Variants in C17orf78 observed in about 807,000 individuals in gnomAD.
C17orf78 encodes uncharacterized protein C17orf78.
In C17orf78, 27 loss-of-function variants were observed where a neutral mutation model predicts 31.8. The ratio of observed to expected loss-of-function variants is 0.85; its 90% CI spans 0.63 to 1.17. The LOEUF (loss-of-function observed/expected upper bound fraction) is 1.17, where lower values mean the gene tolerates loss of function less well. Ranked by LOEUF, C17orf78 falls within the 50% of genes most tolerant of loss-of-function variation. The probability of loss-of-function intolerance (pLI) is 0.00; values close to 1 mark genes in which losing one functional copy is unlikely to be tolerated. For synonymous variants in C17orf78, 106 were observed against 115.1 expected, an observed-to-expected ratio of 0.92 and a Z score of 0.51; for missense variants, 258 against 315.2, an observed-to-expected ratio of 0.82 and a Z score of 1.37.
In C17orf78 at chr17:37,376,133, A is replaced by G. The variant is rs765214527; in HGVS notation, c.41A>G (p.Tyr14Cys). The G allele has an allele frequency of 1.9e-6, 3 of 1,612,502 alleles. No homozygotes were observed. Among genetic ancestry groups the G allele is most frequent in the African/African-American group, 1.3e-5 (1 of 75,030 alleles). The change falls in exon 1 of 7, where the codon TAT (tyrosine) becomes TGT (cysteine). Residue 14 changes from tyrosine to cysteine, a missense_variant. Physicochemically the swap from Tyr to Cys is radical, Grantham distance 194 (BLOSUM62 -2). Transcript: ENST00000615133. ...GTCTTCAGCCTAATCATTGCATCCTATGATGCCAACAAGAAAGGTATGTAA... is the reference window on the plus strand; with the variant it reads ...GTCTTCAGCCTAATCATTGCATCCTGTGATGCCAACAAGAAAGGTATGTAA... ...ILVFSLIIAS[Y>C]DANKKDLRDS...
chr17:37,388,566 C>A, intron 4 of C17orf78, 104 bp from the exon 5 acceptor site: 1 of 1,350,244 alleles, frequency 7.4e-7, no homozygotes, highest in Non-Finnish European at 1.0e-6. Flanking sequence ...TTAGTCTGGG[C>A]CTCTAATAGT....
At chr17:37,377,801 T>C in intron 1 of C17orf78, 78 bp from the exon 2 acceptor site, 1 of 1,217,164 alleles carries the variant, frequency 8.2e-7, no homozygotes, top group Non-Finnish European at 1.2e-6. Flanking sequence ...CCCAGAATTC[T>C]AAAAAGTAAG....
At chr17:37,383,701 C>T (rs571451729) in intron 3 of C17orf78, among the ~76,000 whole-genome samples, 1 of 152,292 alleles carries the variant, frequency 6.6e-6, no homozygotes, top group Admixed American at 6.5e-5. Context: ...CACCACCATG[C>T]CCAGCTAATT....
In C17orf78 at chr17:37,376,134, T is replaced by A. The variant is rs1318367857; in HGVS notation, c.42T>A (p.Tyr14Ter). 8.1e-6 allele frequency: 13 copies of A among 1,612,054 alleles called. No individual in the cohort carries two copies. The highest frequency in any genetic ancestry group is 1.1e-5 in the Non-Finnish European group (13 of 1,178,274). ...TCTTCAGCCTAATCATTGCATCCTA[T>A]GATGCCAACAAGAAAGGTATGTAAT... The part of the protein sequence containing the change: ...ILVFSLIIAS[Y>*]DANKKDLRDS... Residue 14 changes from tyrosine (Y) to a stop codon, truncating the protein, a stop_gained, in exon 1 of 7, where the codon TAT (tyrosine) becomes TAA (stop). Coordinates refer to ENST00000615133, the MANE Select transcript of C17orf78 (RefSeq NM_173625.5). LOFTEE classifies it high-confidence loss of function.
chr17:37,386,024 T>A lies in C17orf78; in HGVS notation c.407T>A (p.Ile136Asn). ...LLKGKAFLPG[I>N]SQCKVLGASS... Reference sequence around the variant, plus strand: ...TGTTTTATAGCTTTTTTACCAGGGATCTCACAATGTAAAGTCCTGGGGGCT... The same window carrying A: ...TGTTTTATAGCTTTTTTACCAGGGAACTCACAATGTAAAGTCCTGGGGGCT... Residue 136 changes from isoleucine (I) to asparagine (N), a missense_variant, in exon 4 of 7, where the codon ATC (isoleucine) becomes AAC (asparagine). Coordinates refer to ENST00000615133, the MANE Select transcript of C17orf78 (RefSeq NM_173625.5). 1 of 1,592,234 alleles carries A rather than the reference T, an allele frequency of 6.3e-7. No homozygotes were observed. Among genetic ancestry groups the A allele is most frequent in the Admixed American group, 1.7e-5 (1 of 58,450 alleles).
rs369724288 is a variant in C17orf78 at position 37,379,255 on chromosome 17, A to G, written c.264A>G (p.Pro88=). 9.4e-5 allele frequency: 151 copies of G among 1,613,900 alleles called. No homozygotes were observed. Among genetic ancestry groups the G allele is most frequent in the Non-Finnish European group, 1.2e-4 (144 of 1,179,906 alleles). Residue 88 remains proline, a synonymous_variant, in exon 3 of 7, where the codon CCA becomes CCG. Coordinates refer to ENST00000615133, the MANE Select transcript of C17orf78 (RefSeq NM_173625.5). ...ACCTTGTATATTTGGAGAGAAGGCC[A>G]AAGGTCAAGCATATTTTGAAGAACC... ...KVNLVYLERR[P]KVKHILKNLR... is the part of the protein sequence containing the mutation.
chr17:37,383,081 T>A (rs529433667), intron 3 of C17orf78, among the ~76,000 whole-genome samples: 2 of 152,150 alleles, frequency 1.3e-5, no homozygotes, highest in African/African-American at 4.8e-5. Context: ...TTTTGAACTT[T>A]GAATATTAAT....
In C17orf78 at chr17:37,389,349, C is replaced by T; in HGVS notation, c.737C>T (p.Ser246Phe). ...GGGACAGCTGAATCCAAGCCTGACTCTCAGCCCCAGAAGGAAAGTGTTCTC... is the reference window on the plus strand; with the variant it reads ...GGGACAGCTGAATCCAAGCCTGACTTTCAGCCCCAGAAGGAAAGTGTTCTC... ...PPGTAESKPDSQPQKVGQDAA... is the reference protein window; with the variant it reads ...PPGTAESKPDFQPQKVGQDAA... The change falls in exon 6 of 7, where the codon TCT (serine) becomes TTT (phenylalanine). Residue 246 changes from serine to phenylalanine, a missense_variant. Transcript: ENST00000615133. 1 of 1,586,388 alleles carries T rather than the reference C, an allele frequency of 6.3e-7. No individual in the cohort carries two copies. Among genetic ancestry groups the T allele is most frequent in the Non-Finnish European group, 8.6e-7 (1 of 1,166,332 alleles).
At chr17:37,390,739 G>A (rs1273500172) in intron 6 of C17orf78, among the ~76,000 whole-genome samples, 3 of 150,586 alleles carry the variant, frequency 2.0e-5, no homozygotes, top group Non-Finnish European at 3.0e-5. Context: ...TCTGCAATGA[G>A]CTATGATCGA....
chr17:37,391,202 C>A (rs1185388216), intron 6 of C17orf78, among the ~76,000 whole-genome samples: 7 of 152,108 alleles, frequency 4.6e-5, no homozygotes, highest in Non-Finnish European at 7.4e-5. Context: ...CACACCACTG[C>A]ACTGCAGCCT....
chr17:37,379,649 A>G (rs996241797), intron 3 of C17orf78, among the ~76,000 whole-genome samples: 35 of 152,248 alleles, frequency 2.3e-4, no homozygotes, highest in African/African-American at 7.9e-4. Flanking sequence ...GAAGACATTT[A>G]TGCAGCCAAA....
intron 3 of C17orf78, among the ~76,000 whole-genome samples, chr17:37,380,282 G>C (rs55945408): frequency 1.0e-3 from 119 of 119,518 alleles, no homozygotes; most frequent in African/African-American, 3.8e-3. Context: ...TTGTGGGGTG[G>C]GGGGAGGGGG....
At chr17:37,388,577 CT>C in intron 4 of C17orf78, 92 bp from the exon 5 acceptor site, 1 of 1,433,044 alleles carries the variant, frequency 7.0e-7, no homozygotes, top group Non-Finnish European at 9.6e-7. Flanking sequence ...CTCTAATAGT[CT>C]TGTGAGCCAG....
chr17:37,389,194 C>G, intron 5 of C17orf78, 52 bp from the exon 6 acceptor site: 1 of 1,539,228 alleles, frequency 6.5e-7, no homozygotes, highest in Non-Finnish European at 8.8e-7. Flanking sequence ...TGGAAGAAAA[C>G]CAAATGCTTA....
At chr17:37,376,672 A>G (rs963648401) in intron 1 of C17orf78, among the ~76,000 whole-genome samples, 2 of 152,132 alleles carry the variant, frequency 1.3e-5, no homozygotes, top group Non-Finnish European at 2.9e-5. Context: ...TAGCTAATCA[A>G]GGCTGGGCAC....
At position 37,389,493 on chromosome 17, in the gene C17orf78, A is replaced by G. The variant is rs2050695742; in HGVS notation, c.750+131A>G. The G allele has an allele frequency of 2.3e-6, 3 of 1,278,280 alleles. No homozygotes were observed. In the African/African-American group the frequency reaches 4.6e-5, roughly 19 times the overall value. The allele number at this position is 1,278,280 out of a possible 1,614,324, so 79.2% of individuals were successfully genotyped here. On this transcript the variant is annotated intron_variant, in intron 6 of 6. Transcript: ENST00000615133. ...AGGTGGATCACCTGAGGTGATCGAG[A>G]CCAGCCTGACCAACATGACGAAACC... is the stretch of plus-strand genomic sequence containing the variant.
At chr17:37,380,346 A>G (rs1481649350) in intron 3 of C17orf78, among the ~76,000 whole-genome samples, 1 of 151,726 alleles carries the variant, frequency 6.6e-6, no homozygotes, top group East Asian at 2.0e-4. Flanking sequence ...TAGTGGGTGC[A>G]GCGCACCAGC....
chr17:37,389,442 T>C, intron 6 of C17orf78, 80 bp downstream of exon 6: 1 of 1,497,744 alleles, frequency 6.7e-7, no homozygotes, highest in Non-Finnish European at 8.9e-7. Flanking sequence ...CACACCTCTA[T>C]TCCCAGCACT....
intron 1 of C17orf78, among the ~76,000 whole-genome samples, chr17:37,377,258 A>G (rs1387456046): frequency 6.6e-6 from 1 of 152,148 alleles, no homozygotes; most frequent in African/African-American, 2.4e-5. Context: ...TAACTTAGTA[A>G]ATTTTCTTAA....
Sources: gnomAD v4.1 joint callset for allele counts (sites outside exome capture counted in the v4.1 genomes callset) on GRCh38, gnomAD v4.1.1 for gene constraint, MANE v1.5 for transcripts, NCBI Gene and HGNC (gene_info 2026-07-23, HGNC 2026-07-21) for gene names.